LPP: variants seen among roughly 807,000 people sequenced by gnomAD.
LPP encodes the protein lipoma-preferred partner.
LPP carries 38 observed loss-of-function variants against 60.4 expected under a neutral mutation model. The ratio of observed to expected loss-of-function variants is 0.63; its 90% CI spans 0.49 to 0.83. The LOEUF (loss-of-function observed/expected upper bound fraction) is 0.83. Among genes scored for constraint, LPP ranks in the 40% least tolerant of loss-of-function variants. The pLI, the probability that LPP is intolerant of heterozygous loss-of-function variation, is 0.00. For synonymous variants in LPP, 328 were observed against 290.8 expected (o/e 1.13, Z -1.30); for missense variants, 902 against 783.6 (o/e 1.15, Z -1.80).
At chr3:188,345,709 A>T (rs1764161634) in intron 3 of LPP, among the ~76,000 whole-genome samples, 1 of 152,098 alleles carries the variant, frequency 6.6e-6, no homozygotes, top group South Asian at 2.1e-4. Flanking sequence ...ACTGAGAAAC[A>T]GCTAGTATAA....
chr3:188,792,549 A>G (rs1454762648), intron 9 of LPP, among the ~76,000 whole-genome samples: 1 of 152,184 alleles, frequency 6.6e-6, no homozygotes, highest in Non-Finnish European at 1.5e-5. Context: ...TGGCAGGACC[A>G]GCTTCTCTGA....
At position 188,866,374 on chromosome 3, in the gene LPP, C is replaced by T; in HGVS notation, c.1585C>T (p.His529Tyr). 1 of 1,464,710 alleles carries T rather than the reference C, an allele frequency of 6.8e-7. No individual in the cohort carries two copies. Among genetic ancestry groups the T allele is most frequent in the South Asian group, 1.4e-5 (1 of 69,218 alleles). 90.7% of individuals were successfully genotyped at this position (1,464,710 alleles called of 1,614,324 possible). A position where few individuals can be genotyped will look rare whatever the true frequency, so the allele number is the denominator to read the frequency against. The change falls in exon 10 of 12, where the codon CAC becomes TAC. Residue 529 changes from histidine to tyrosine, a missense_variant. By Grantham distance (83) the His-to-Tyr change is moderately conservative. Transcript: ENST00000617246. ...GCTCATTCACTGCATTGAGGACTTC[C>T]ACAAGTAGGCAACCTACTCTCTCGT... ...GGLIHCIEDF[H>Y]KKFAPRCSVC... is the part of the protein sequence containing the mutation.
At chr3:188,811,047 G>C (rs1034755744) in intron 9 of LPP, among the ~76,000 whole-genome samples, 1 of 151,998 alleles carries the variant, frequency 6.6e-6, no homozygotes, top group African/African-American at 2.4e-5. Flanking sequence ...TTCATTAATT[G>C]TAGGAGAATA....
chr3:188,221,212 C>G (rs1484569221), intron 1 of LPP, among the ~76,000 whole-genome samples: 3 of 152,144 alleles, frequency 2.0e-5, no homozygotes, highest in Non-Finnish European at 2.9e-5. Context: ...ACATTGTGTT[C>G]CCTGAGCCTA....
At chr3:188,383,436 C>A (rs938535643) in intron 3 of LPP, among the ~76,000 whole-genome samples, 1 of 152,158 alleles carries the variant, frequency 6.6e-6, no homozygotes, top group African/African-American at 2.4e-5. Flanking sequence ...CCTCTGCTTT[C>A]TTCTTACTTC....
At chr3:188,333,939 G>T (rs1760846372) in intron 2 of LPP, among the ~76,000 whole-genome samples, 1 of 152,086 alleles carries the variant, frequency 6.6e-6, no homozygotes, top group Admixed American at 6.5e-5. Flanking sequence ...GGTAATTATA[G>T]TGATTCTATA....
chr3:188,345,042 A>G (rs1390832148), intron 3 of LPP, among the ~76,000 whole-genome samples: 15 of 152,238 alleles, frequency 9.9e-5, no homozygotes, highest in Admixed American at 9.8e-4. Flanking sequence ...AAATTATTTC[A>G]TGTCACAGAT....
chr3:188,241,035 T>A (rs1724475909), intron 2 of LPP, among the ~76,000 whole-genome samples: 1 of 152,138 alleles, frequency 6.6e-6, no homozygotes, highest in Admixed American at 6.5e-5. Flanking sequence ...ATTTTAGAGG[T>A]AGCAAGACAG....
chr3:188,623,478 G>C (rs6767553), intron 7 of LPP, among the ~76,000 whole-genome samples: 1 of 151,786 alleles, frequency 6.6e-6, no homozygotes, highest in Non-Finnish European at 1.5e-5. Context: ...GGCAGGTCTC[G>C]AACTCCTAAC....
intron 5 of LPP, among the ~76,000 whole-genome samples, chr3:188,511,099 C>T (rs542058891): frequency 9.8e-4 from 122 of 124,916 alleles, no homozygotes; most frequent in Middle Eastern, 5.1e-3. Context: ...CCCCTCCCTC[C>T]CTCCCTCCTT....
chr3:188,230,991 T>C (rs191441337), intron 2 of LPP, among the ~76,000 whole-genome samples: 3 of 152,216 alleles, frequency 2.0e-5, no homozygotes, highest in East Asian at 3.9e-4. Flanking sequence ...CCACAGATTA[T>C]TGGACTGAGG....
chr3:188,443,145 C>A (rs141754651), intron 4 of LPP, among the ~76,000 whole-genome samples: 13 of 152,274 alleles, frequency 8.5e-5, no homozygotes, highest in African/African-American at 2.9e-4. Context: ...ATTACCAACA[C>A]CTGTACACAA....
intron 5 of LPP, among the ~76,000 whole-genome samples, chr3:188,500,554 C>T (rs115464018): frequency 1.4e-3 from 208 of 152,066 alleles, no homozygotes; most frequent in African/African-American, 4.7e-3. Context: ...GTATCTTTGT[C>T]GGACTTTGAT....
At chr3:188,155,277 C>G (rs776158822) in intron 1 of LPP, among the ~76,000 whole-genome samples, 16 of 152,104 alleles carry the variant, frequency 1.1e-4, no homozygotes, top group Non-Finnish European at 1.9e-4. Flanking sequence ...AAACAACTAG[C>G]GAGAACTCAG....
chr3:188,574,911 A>C (rs1474762979), intron 6 of LPP, among the ~76,000 whole-genome samples: 2 of 152,070 alleles, frequency 1.3e-5, no homozygotes, highest in Non-Finnish European at 2.9e-5. Context: ...ATTCAGAGGC[A>C]AAATTTCCCC....
intron 1 of LPP, among the ~76,000 whole-genome samples, chr3:188,199,168 A>G (rs1039207530): frequency 2.0e-5 from 3 of 152,174 alleles, no homozygotes; most frequent in African/African-American, 7.2e-5. Flanking sequence ...ACTTCCTCAC[A>G]GCCTGGTGGC....
At chr3:188,750,460 A>G (rs1727706446) in intron 8 of LPP, among the ~76,000 whole-genome samples, 1 of 152,020 alleles carries the variant, frequency 6.6e-6, no homozygotes, top group Non-Finnish European at 1.5e-5. Context: ...GTGAAACCCC[A>G]TCTCTACTAC....
rs1259987584 is a variant in LPP at position 188,887,978 on chromosome 3, G to A, written c.*13499G>A. On this transcript the variant is annotated 3_prime_UTR_variant, in exon 12 of 12. Coordinates refer to ENST00000617246, the MANE Select transcript of LPP (RefSeq NM_001375462.1). The stretch of plus-strand genomic sequence containing the variant: ...CAAGAAATATCTCAAAGAGCAAATA[G>A]AATTAAACATGACACTTGATTGTCT... 1.4e-5 allele frequency: 3 copies of A among 209,088 alleles called. No individual in the cohort carries two copies. The highest frequency in any genetic ancestry group is 2.9e-5 in the Non-Finnish European group (3 of 103,014). 13.0% of individuals were successfully genotyped at this position (209,088 alleles called of 1,614,324 possible). A position where few individuals can be genotyped will look rare whatever the true frequency, so the allele number is the denominator to read the frequency against.
chr3:188,379,417 C>T (rs534654213), intron 3 of LPP, among the ~76,000 whole-genome samples: 1 of 152,100 alleles, frequency 6.6e-6, no homozygotes, highest in Non-Finnish European at 1.5e-5. Flanking sequence ...AATTAATTAA[C>T]TCAAAGAGTA....
Sources: gnomAD v4.1 joint callset for allele counts (sites outside exome capture counted in the v4.1 genomes callset) on GRCh38, gnomAD v4.1.1 for gene constraint, MANE v1.5 for transcripts, NCBI Gene and HGNC (gene_info 2026-07-23, HGNC 2026-07-21) for gene names.